The following ARHGAP32 variants were observed in gnomAD, a reference collection of about 807,000 sequenced individuals.
The protein encoded by ARHGAP32 is Rho GTPase activating protein 32.
In ARHGAP32, 51 loss-of-function variants were observed where a neutral mutation model predicts 186.5. That is an observed-to-expected ratio of 0.27 (90% CI 0.22 to 0.35). The LOEUF (loss-of-function observed/expected upper bound fraction) is 0.35. Among genes scored for constraint, ARHGAP32 ranks in the 10% least tolerant of loss-of-function variants. The pLI is 1.00. For synonymous variants in ARHGAP32, 950 were observed against 964.3 expected, an observed-to-expected ratio of 0.99 and a Z score of 0.27; for missense variants, 2,186 against 2,623.5, an observed-to-expected ratio of 0.83 and a Z score of 3.64.
intron 1 of ARHGAP32, among the ~76,000 whole-genome samples, chr11:129,266,159 G>A (rs1156680746): frequency 6.6e-6 from 1 of 152,168 alleles, no homozygotes; most frequent in African/African-American, 2.4e-5. Flanking sequence ...ATTTGGGTTA[G>A]TAGAGAGAAA....
intron 12 of ARHGAP32, among the ~76,000 whole-genome samples, chr11:128,990,155 C>T (rs1001189771): frequency 3.3e-5 from 5 of 152,158 alleles, no homozygotes; most frequent in African/African-American, 1.2e-4. Flanking sequence ...TAACGCTCTT[C>T]GTATAGAAAA....
Position 129,123,973 on chromosome 11 carries a change from T to C in ARHGAP32, c.318-44A>G. On this transcript the variant is annotated intron_variant, in intron 3 of 22. Transcript: ENST00000682385. The surrounding 1 kb of genome is among the most constrained non-coding windows in gnomAD (Gnocchi z 4.6). ...TTTTTATCCTTGTCTTTCCTCTACTTACACATGAAGCATAACTATCTAACT... is the reference window on the plus strand; with the variant it reads ...TTTTTATCCTTGTCTTTCCTCTACTCACACATGAAGCATAACTATCTAACT... 7.9e-7 allele frequency: 1 copy of C among 1,264,508 alleles called. No homozygotes were observed. Among genetic ancestry groups the C allele is most frequent in the Non-Finnish European group, 1.0e-6 (1 of 968,014 alleles). 78.3% of individuals were successfully genotyped at this position (1,264,508 alleles called of 1,614,324 possible).
intron 2 of ARHGAP32, among the ~76,000 whole-genome samples, chr11:129,148,938 GCA>G (rs1229982521): frequency 3.9e-5 from 6 of 152,128 alleles, no homozygotes; most frequent in Non-Finnish European, 8.8e-5. Flanking sequence ...AGTGGCCACA[GCA>G]AGCCTCACCC....
At chr11:129,275,113 G>A (rs796270200) in intron 1 of ARHGAP32, among the ~76,000 whole-genome samples, 8 of 152,262 alleles carry the variant, frequency 5.3e-5, no homozygotes, top group African/African-American at 1.4e-4. Context: ...AAGTTATTCC[G>A]CTTATCAGCT....
chr11:129,193,575 T>TAATATATGTTATATAATATATA (rs368694693), upstream of ARHGAP32, among the ~76,000 whole-genome samples: 4 of 54,036 alleles, frequency 7.4e-5, no homozygotes, highest in Non-Finnish European at 1.0e-4. Context: ...ATATAATATA[T>TAATATATGTTATATAATATATA]ATATATTATA....
In ARHGAP32 at chr11:129,123,897, T is replaced by C; in HGVS notation, c.350A>G (p.Asn117Ser). The stretch of plus-strand genomic sequence containing the variant: ...GAAAACCAGATTTTACCTGTGAATG[T>C]TGTCACAGCCCATCAGTCCTGGAGT... ...STTPGLMGCD[N>S]IHRLPFTKGH... Residue 117 changes from asparagine (N) to serine (S), a missense_variant, in exon 4 of 23, where the codon AAC becomes AGC. Around this residue, in one of 5 missense-constraint regions of ARHGAP32, gnomAD observed 308 missense variants for 596.5 expected, o/e 0.52. Coordinates refer to ENST00000682385, the MANE Select transcript of ARHGAP32 (RefSeq NM_001378024.1). The surrounding 1 kb of genome is among the most constrained non-coding windows in gnomAD (Gnocchi z 4.6). 4 of 1,294,952 alleles carry C rather than the reference T, an allele frequency of 3.1e-6. No homozygotes were observed. The South Asian group carries it at 4.9e-5, about 16-fold the overall frequency. The allele number at this position is 1,294,952 out of a possible 1,614,324, so 80.2% of individuals were successfully genotyped here. A position where few individuals can be genotyped will look rare whatever the true frequency, so the allele number is the denominator to read the frequency against.
At chr11:129,002,861 T>G (rs1253445330) in intron 11 of ARHGAP32, among the ~76,000 whole-genome samples, 30 of 136,794 alleles carry the variant, frequency 2.2e-4, no homozygotes, top group Admixed American at 6.8e-4. Flanking sequence ...CAGGCTGGAG[T>G]GCAGTGGCGC....
chr11:128,998,319 C>A lies in ARHGAP32; in HGVS notation c.1195G>T (p.Val399Leu). Reference sequence around the variant, plus strand: ...ATAAGCTTGCACATTTTATTTTTACCTTCAAAACCAGAATTTAGAAGGTGT... The same window carrying A: ...ATAAGCTTGCACATTTTATTTTTACATTCAAAACCAGAATTTAGAAGGTGT... ...GEHLLNSGFE[V>L]PQVLQSCTAF... Residue 399 changes from valine (V) to leucine (L), a missense_variant and splice_region_variant, in exon 12 of 23, where the codon GTG becomes TTG. Physicochemically the swap from Val to Leu is conservative, Grantham distance 32. Transcript: ENST00000682385. 1 of 1,560,016 alleles carries A rather than the reference C, an allele frequency of 6.4e-7. No individual in the cohort carries two copies. The highest frequency in any genetic ancestry group is 8.7e-7 in the Non-Finnish European group (1 of 1,151,026).
At chr11:129,003,283 A>G (rs1044334552) in intron 11 of ARHGAP32, among the ~76,000 whole-genome samples, 12 of 152,154 alleles carry the variant, frequency 7.9e-5, no homozygotes, top group African/African-American at 2.9e-4. Context: ...TATTGAATTC[A>G]GTTTGCTAGT....
At chr11:129,135,795 G>A (rs934691008) in intron 2 of ARHGAP32, among the ~76,000 whole-genome samples, 4 of 151,874 alleles carry the variant, frequency 2.6e-5, no homozygotes, top group Admixed American at 6.6e-5. Context: ...AAAGAATGTT[G>A]ACCCAAACCT....
chr11:128,990,061 A>C (rs1290599886), intron 12 of ARHGAP32, among the ~76,000 whole-genome samples: 3 of 152,226 alleles, frequency 2.0e-5, no homozygotes, highest in Non-Finnish European at 4.4e-5. Context: ...CCCTAGGCCA[A>C]GTGAAGTGTT....
intron 2 of ARHGAP32, among the ~76,000 whole-genome samples, chr11:129,128,087 C>T (rs1322494916): frequency 6.6e-6 from 1 of 152,170 alleles, no homozygotes; most frequent in Non-Finnish European, 1.5e-5. Flanking sequence ...TTCATTATCC[C>T]TGCCTATACA....
At chr11:128,985,342 T>C (rs1294911953) in intron 15 of ARHGAP32, among the ~76,000 whole-genome samples, 1 of 151,752 alleles carries the variant, frequency 6.6e-6, no homozygotes, top group Non-Finnish European at 1.5e-5. Flanking sequence ...TTGAAATATA[T>C]ACATAAGCAA....
At chr11:129,026,441 A>T (rs1014529343) in intron 11 of ARHGAP32, among the ~76,000 whole-genome samples, 1 of 152,016 alleles carries the variant, frequency 6.6e-6, no homozygotes, top group African/African-American at 2.4e-5. Context: ...TGGGTGGGAG[A>T]GGCAAAAGGA....
At position 128,978,924 on chromosome 11, in the gene ARHGAP32, GAGA is replaced by G; in HGVS notation, c.1977-12_1977-10del. On this transcript the variant is annotated splice_polypyrimidine_tract_variant and intron_variant, in intron 18 of 22. Coordinates refer to ENST00000682385, the MANE Select transcript of ARHGAP32 (RefSeq NM_001378024.1). ...TATTTTGAGGCCTCTTTCTATGAAA[GAGA>G]AAAAATAATCAACATTAAGATAGCC... The G allele has an allele frequency of 6.3e-7, 1 of 1,593,762 alleles. No individual in the cohort carries two copies.
intron 1 of ARHGAP32, among the ~76,000 whole-genome samples, chr11:129,220,376 G>A (rs1246147608): frequency 3.3e-5 from 5 of 152,096 alleles, no homozygotes; most frequent in South Asian, 2.1e-4. Flanking sequence ...ATGAAAATCC[G>A]TGAATAAACT....
intron 10 of ARHGAP32, among the ~76,000 whole-genome samples, chr11:129,055,404 C>A (rs1940211219): frequency 6.6e-6 from 1 of 152,176 alleles, no homozygotes; most frequent in African/African-American, 2.4e-5. Context: ...CATACTCTTA[C>A]CATATGATCC....
chr11:129,236,505 T>C (rs1944937243), intron 1 of ARHGAP32, among the ~76,000 whole-genome samples: 1 of 152,224 alleles, frequency 6.6e-6, no homozygotes, highest in Non-Finnish European at 1.5e-5. Context: ...GAAGACAGTC[T>C]CCCATTCTGT....
intron 1 of ARHGAP32, among the ~76,000 whole-genome samples, chr11:129,265,981 T>A (rs543453368): frequency 3.9e-5 from 6 of 152,284 alleles, no homozygotes; most frequent in African/African-American, 1.4e-4. Flanking sequence ...AATAATTCTG[T>A]TTAGTAGGGA....
Sources: gnomAD v4.1 joint callset for allele counts (sites outside exome capture counted in the v4.1 genomes callset) on GRCh38, gnomAD v4.1.1 for gene constraint, gnomAD v4.1.1 regional missense constraint, Gnocchi (gnomAD v3.1) non-coding constraint, MANE v1.5 for transcripts, NCBI Gene and HGNC (gene_info 2026-07-23, HGNC 2026-07-21) for gene names.